HDAC9: variants seen among roughly 807,000 people sequenced by gnomAD.
The protein encoded by HDAC9 is histone deacetylase 9.
In HDAC9, 41 loss-of-function variants were observed where a neutral mutation model predicts 139.4. That is an observed-to-expected ratio of 0.29 (90% CI 0.23 to 0.38). The LOEUF (loss-of-function observed/expected upper bound fraction) is 0.38. Among genes scored for constraint, HDAC9 ranks in the 10% least tolerant of loss-of-function variants. The pLI is 1.00. For synonymous variants in HDAC9, 517 were observed against 476.2 expected (o/e 1.09, Z -1.12); for missense variants, 1,147 against 1,297.0 (o/e 0.88, Z 1.78).
chr7:18,342,413 C>A (rs939681618), intron 1 of HDAC9, among the ~76,000 whole-genome samples: 1 of 151,826 alleles, frequency 6.6e-6, no homozygotes, highest in Non-Finnish European at 1.5e-5. Context: ...TGCCTCATGT[C>A]CAGTGTCTTA....
intron 2 of HDAC9, among the ~76,000 whole-genome samples, chr7:18,271,600 C>G (rs940906246): frequency 2.6e-5 from 4 of 152,206 alleles, no homozygotes; most frequent in Non-Finnish European, 5.9e-5. Flanking sequence ...ATGCATCCCT[C>G]AGCATGAAGC....
chr7:18,534,596 T>A (rs982038282), intron 2 of HDAC9, among the ~76,000 whole-genome samples: 4 of 152,084 alleles, frequency 2.6e-5, no homozygotes, highest in African/African-American at 9.7e-5. Context: ...TGCGTACTAG[T>A]GTCTGCATTT....
At chr7:18,546,298 T>G (rs967229376) in intron 2 of HDAC9, among the ~76,000 whole-genome samples, 1 of 152,210 alleles carries the variant, frequency 6.6e-6, no homozygotes, top group Non-Finnish European at 1.5e-5. Context: ...AAGTCAGCTT[T>G]TAGAATGGGA....
rs545905248 is a variant in HDAC9, at chr7:18,136,637, G to T, written c.-96-25592G>T. ...GTAGATATGCGGTGTTATTTCTGAG[G>T]GCTCTGTTGTGTTCCATTGATCTAT... On this transcript the variant is annotated intron_variant, in intron 1 of 12. Coordinates refer to the HDAC9 transcript ENST00000417496. Among the ~76,000 whole-genome samples, 12 of 152,166 alleles carry T rather than the reference G, an allele frequency of 7.9e-5. No homozygotes were observed. The South Asian group carries it at 1.5e-3, about 18-fold the overall frequency.
intron 2 of HDAC9, among the ~76,000 whole-genome samples, chr7:18,247,520 T>C (rs1794636636): frequency 6.6e-6 from 1 of 151,908 alleles, no homozygotes; most frequent in African/African-American, 2.4e-5. Context: ...TGGGAATGGG[T>C]TTAAGGGAAA....
In HDAC9 at chr7:18,638,671, G is replaced by A. The variant is rs116875789; in HGVS notation, c.912+3929G>A. Among the ~76,000 whole-genome samples the A allele has an allele frequency of 1.2e-3, 180 of 152,158 alleles. 2 individuals carry two copies. Among genetic ancestry groups the A allele is most frequent in the East Asian group, 6.2e-3 (32 of 5,158 alleles). The stretch of plus-strand genomic sequence containing the variant: ...TTCATTTTTTGTTGTTATTATCAGC[G>A]CTGACTCCTGGTAGGGAAAACTCAT... On this transcript the variant is annotated intron_variant, in intron 8 of 25. Coordinates refer to ENST00000686413, the MANE Select transcript of HDAC9 (RefSeq NM_178425.4).
At chr7:18,373,905 G>T (rs1213525910) in intron 1 of HDAC9, among the ~76,000 whole-genome samples, 1 of 151,806 alleles carries the variant, frequency 6.6e-6, no homozygotes, top group Admixed American at 6.6e-5. Flanking sequence ...TTTAGAAATA[G>T]AAAAGCACTC....
At chr7:18,408,523 G>C (rs1254879950) in intron 1 of HDAC9, among the ~76,000 whole-genome samples, 1 of 152,108 alleles carries the variant, frequency 6.6e-6, no homozygotes. Context: ...AGCTCTTCCT[G>C]GTTCTGTAAG....
intron 2 of HDAC9, among the ~76,000 whole-genome samples, chr7:18,507,367 G>C (rs1244115116): frequency 6.7e-6 from 1 of 150,370 alleles, no homozygotes; most frequent in South Asian, 2.1e-4. Flanking sequence ...GTTTTTTTTT[G>C]TATTTTTAGT....
In HDAC9 at chr7:18,911,890, T is replaced by C. The variant is rs189420256; in HGVS notation, c.2804-23919T>C. Among the ~76,000 whole-genome samples the C allele has an allele frequency of 6.6e-5, 10 of 152,196 alleles. No individual in the cohort carries two copies. In the East Asian group the frequency reaches 1.9e-3, roughly 29 times the overall value. ...GATATGATTTCAATTTTTAAAAATC[T>C]TTTGAGGCTTGTTTTGTAGCCTACT... is the stretch of plus-strand genomic sequence containing the variant. On this transcript the variant is annotated intron_variant, in intron 22 of 25. Coordinates refer to ENST00000686413, the MANE Select transcript of HDAC9 (RefSeq NM_178425.4).
intron 12 of HDAC9, among the ~76,000 whole-genome samples, chr7:18,697,406 C>T (rs1395453863): frequency 8.5e-5 from 13 of 152,178 alleles, no homozygotes; most frequent in Admixed American, 8.5e-4. Context: ...ATAAAACCAT[C>T]ACCCAGAGCA....
At chr7:18,109,229 C>A (rs1783440019) in intron 1 of HDAC9, among the ~76,000 whole-genome samples, 2 of 152,170 alleles carry the variant, frequency 1.3e-5, no homozygotes, top group Non-Finnish European at 2.9e-5. Flanking sequence ...GAGAACCACT[C>A]AGTACCCAGG....
At chr7:18,967,440 T>C (rs1783934238) in intron 24 of HDAC9, among the ~76,000 whole-genome samples, 1 of 151,940 alleles carries the variant, frequency 6.6e-6, no homozygotes, top group Non-Finnish European at 1.5e-5. Context: ...CTAATGATTA[T>C]TCTATATTTT....
In HDAC9 at chr7:18,312,287, C is replaced by G. The variant is rs138737323; in HGVS notation, c.-42+21772C>G. On this transcript the variant is annotated intron_variant, in intron 1 of 3. Transcript: ENST00000413509. Reference sequence around the variant, plus strand: ...TTCCTTGGTTGTCTCTCTTTTCTCTCTCTTTCCTAGAAACAATCACTGTTG... The same window carrying G: ...TTCCTTGGTTGTCTCTCTTTTCTCTGTCTTTCCTAGAAACAATCACTGTTG... Among the ~76,000 whole-genome samples the G allele has an allele frequency of 3.9e-3, 601 of 152,296 alleles. 3 individuals carry two copies. Among genetic ancestry groups the G allele is most frequent in the African/African-American group, 0.014 (579 of 41,570 alleles).
intron 21 of HDAC9, among the ~76,000 whole-genome samples, chr7:18,870,400 A>C (rs12700004): frequency 0.036 from 5,404 of 152,214 alleles, 219 homozygotes; most frequent in African/African-American, 0.096. Context: ...AATTTGTTTA[A>C]TATTTCCTCA....
intron 16 of HDAC9, among the ~76,000 whole-genome samples, chr7:18,792,308 C>G (rs1445454789): frequency 6.7e-6 from 1 of 149,632 alleles, no homozygotes; most frequent in Non-Finnish European, 1.5e-5. Context: ...AGAATTTCTC[C>G]CCTTTGATCC....
chr7:18,529,670 G>GT (rs1369468500), intron 2 of HDAC9, among the ~76,000 whole-genome samples: 3 of 152,110 alleles, frequency 2.0e-5, no homozygotes, highest in Admixed American at 6.5e-5. Context: ...CCATAGACTT[G>GT]TTTTTTCTCA....
At chr7:18,474,275 T>C (rs920408498) in intron 1 of HDAC9, among the ~76,000 whole-genome samples, 3 of 152,240 alleles carry the variant, frequency 2.0e-5, no homozygotes, top group Non-Finnish European at 4.4e-5. Context: ...CTTGTACCTA[T>C]ACTGTAAGTT....
chr7:18,882,072 G>C (rs982773175), intron 22 of HDAC9, among the ~76,000 whole-genome samples: 1 of 152,054 alleles, frequency 6.6e-6, no homozygotes, highest in African/African-American at 2.4e-5. Context: ...CCAAGTGCCT[G>C]GAACATAGTC....
Sources: gnomAD v4.1 joint callset for allele counts (sites outside exome capture counted in the v4.1 genomes callset) on GRCh38, gnomAD v4.1.1 for gene constraint, MANE v1.5 for transcripts, NCBI Gene and HGNC (gene_info 2026-07-23, HGNC 2026-07-21) for gene names.